Variants in GSTCD observed in about 807,000 individuals in gnomAD.
GSTCD encodes the protein glutathione S-transferase C-terminal domain-containing protein.
A neutral mutation model predicts 68.3 loss-of-function variants in GSTCD; 44 were observed. The observed-to-expected ratio is 0.64, with a 90% CI of 0.51 to 0.83. The LOEUF (loss-of-function observed/expected upper bound fraction) is 0.83, where lower values mean the gene tolerates loss of function less well. GSTCD is among the 40% of genes least tolerant of loss of function. The probability of loss-of-function intolerance (pLI) is 0.00; values close to 1 mark genes in which losing one functional copy is unlikely to be tolerated. For missense variants in GSTCD, 739 were observed against 735.9 expected (o/e 1.00, Z -0.05); for synonymous variants, 273 against 255.2 (o/e 1.07, Z -0.67).
At chr4:105,721,396 AT>A (rs1732854318) in intron 3 of GSTCD, among the ~76,000 whole-genome samples, 1 of 152,184 alleles carries the variant, frequency 6.6e-6, no homozygotes, top group African/African-American at 2.4e-5. Context: ...CATCCAAATG[AT>A]CAGAATCAGG....
chr4:105,845,764 A>G lies in GSTCD; in HGVS notation c.*187A>G, dbSNP rs1434318447. On this transcript the variant is annotated 3_prime_UTR_variant, in exon 12 of 12. Coordinates refer to ENST00000515279, the MANE Select transcript of GSTCD (RefSeq NM_001370181.1). ...TGCAAAGCATCACAAATGCTTTACAATGTGTGATTAAAGGACTGCTGGTTT... is the reference window on the plus strand; with the variant it reads ...TGCAAAGCATCACAAATGCTTTACAGTGTGTGATTAAAGGACTGCTGGTTT... 3.4e-6 allele frequency: 2 copies of G among 587,758 alleles called. No homozygotes were observed. The highest frequency in any genetic ancestry group is 6.0e-6 in the Non-Finnish European group (2 of 334,768). The allele number at this position is 587,758 out of a possible 1,614,324, so 36.4% of individuals were successfully genotyped here.
chr4:105,832,916 A>G (rs1452538001), intron 8 of GSTCD, among the ~76,000 whole-genome samples: 1 of 152,210 alleles, frequency 6.6e-6, no homozygotes, highest in Non-Finnish European at 1.5e-5. Context: ...AAGGTTATTT[A>G]CTTTCCCATT....
intron 5 of GSTCD, among the ~76,000 whole-genome samples, chr4:105,785,813 T>A (rs918127492): frequency 6.6e-6 from 1 of 152,116 alleles, no homozygotes; most frequent in African/African-American, 2.4e-5. Flanking sequence ...GAGAAAACTA[T>A]CTCTATTTGC....
rs1226914696 is a variant in GSTCD at position 105,764,676 on chromosome 4, T to C, written c.1240+35177T>C. Among the ~76,000 whole-genome samples the C allele has an allele frequency of 3.9e-5, 6 of 152,326 alleles. No individual in the cohort carries two copies. The East Asian group carries it at 5.8e-4, about 15-fold the overall frequency. ...CTGTCAAATTAAGGCCCCACACTTA[T>C]GACCTCATGTAACCCTAATTACCTC... is the stretch of plus-strand genomic sequence containing the variant. On this transcript the variant is annotated intron_variant, in intron 5 of 11. Coordinates refer to ENST00000515279, the MANE Select transcript of GSTCD (RefSeq NM_001370181.1).
chr4:105,816,409 T>C (rs1361808931), intron 5 of GSTCD, among the ~76,000 whole-genome samples: 3 of 152,090 alleles, frequency 2.0e-5, no homozygotes, highest in Non-Finnish European at 4.4e-5. Flanking sequence ...GGAAATGGTC[T>C]CTTTCTGGAA....
chr4:105,820,267 C>T (rs17264527), intron 5 of GSTCD, among the ~76,000 whole-genome samples: 5,637 of 151,654 alleles, frequency 0.037, 151 homozygotes, highest in Middle Eastern at 0.068. Flanking sequence ...ACTGAAGTGT[C>T]TAATCAAGTA....
chr4:105,735,342 C>T (rs557056368), intron 5 of GSTCD, among the ~76,000 whole-genome samples: 35 of 152,304 alleles, frequency 2.3e-4, no homozygotes, highest in African/African-American at 6.0e-4. Flanking sequence ...GCTTCCAGGC[C>T]GCTTTGTTTA....
Position 105,780,065 on chromosome 4 carries a change from T to A in GSTCD, c.1241-42889T>A, listed in dbSNP as rs371118193. Among the ~76,000 whole-genome samples, 17 of 152,232 alleles carry A rather than the reference T, an allele frequency of 1.1e-4. No individual in the cohort carries two copies. In the East Asian group the frequency reaches 3.1e-3, roughly 28 times the overall value. On this transcript the variant is annotated intron_variant, in intron 5 of 11. Transcript: ENST00000515279. Reference sequence around the variant, plus strand: ...CTAATTACATGTTTCATATTGCTCCTTGCCAACAAATACATGTTAATAATA... The same window carrying A: ...CTAATTACATGTTTCATATTGCTCCATGCCAACAAATACATGTTAATAATA...
chr4:105,730,875 G>T (rs959676824), intron 5 of GSTCD, among the ~76,000 whole-genome samples: 6 of 152,132 alleles, frequency 3.9e-5, no homozygotes, highest in African/African-American at 1.4e-4. Flanking sequence ...TATGGTTTTA[G>T]GTCTAAGATT....
intron 3 of GSTCD, among the ~76,000 whole-genome samples, chr4:105,725,598 A>G (rs2149209582): frequency 6.6e-6 from 1 of 151,732 alleles, no homozygotes; most frequent in East Asian, 1.9e-4. Context: ...CATTTTTTTT[A>G]TATACTTAGT....
chr4:105,809,193 A>G lies in GSTCD; in HGVS notation c.1241-13761A>G, dbSNP rs537006337. 1.1e-4 allele frequency among the ~76,000 whole-genome samples: 16 copies of G among 152,246 alleles called. No individual in the cohort carries two copies. The South Asian group carries it at 3.3e-3, about 32-fold the overall frequency. ...TGCTGCCATACCTCAAGCTGCAAAAATTATGGCCATTTCAGTGTCTTTTAA... is the reference window on the plus strand; with the variant it reads ...TGCTGCCATACCTCAAGCTGCAAAAGTTATGGCCATTTCAGTGTCTTTTAA... On this transcript the variant is annotated intron_variant, in intron 5 of 11. Transcript: ENST00000515279.
intron 3 of GSTCD, among the ~76,000 whole-genome samples, chr4:105,722,915 A>G (rs1732917127): frequency 6.6e-6 from 1 of 151,888 alleles, no homozygotes; most frequent in African/African-American, 2.4e-5. Flanking sequence ...TTCCTTAAAT[A>G]TATCTTCATG....
At chr4:105,797,760 CTTTT>C (rs70941218) in intron 5 of GSTCD, among the ~76,000 whole-genome samples, 33 of 84,942 alleles carry the variant, frequency 3.9e-4, no homozygotes, top group African/African-American at 6.2e-4. Flanking sequence ...CACAATAGAA[CTTTT>C]TTTTTTTTTT....
At chr4:105,726,551 TA>T in intron 3 of GSTCD, 27 bp from the exon 4 acceptor site, 2 of 1,423,772 alleles carry the variant, frequency 1.4e-6, no homozygotes, top group Admixed American at 2.3e-5. Context: ...ATATATATAA[TA>T]ATGTGTTTTA....
chr4:105,718,484 A>G (rs565762906), intron 2 of GSTCD, among the ~76,000 whole-genome samples: 4 of 152,322 alleles, frequency 2.6e-5, no homozygotes, highest in African/African-American at 9.6e-5. Flanking sequence ...GGTCCTGATC[A>G]GAAGCAGATG....
Position 105,719,151 on chromosome 4 carries a change from C to A in GSTCD, c.518C>A (p.Pro173His). The A allele has an allele frequency of 6.2e-7, 1 of 1,614,100 alleles. No homozygotes were observed. The change falls in exon 3 of 12, where the codon CCT becomes CAT. Residue 173 changes from proline (P) to histidine (H), a missense_variant. Coordinates refer to ENST00000515279, the MANE Select transcript of GSTCD (RefSeq NM_001370181.1). ...RESSDQPPTIPVEILQLEKKL... is the reference protein window; with the variant it reads ...RESSDQPPTIHVEILQLEKKL... ...TCTTCTGACCAGCCCCCAACTATAC[C>A]TGTAGAAATACTACAGCTAGAGAAA...
At chr4:105,788,125 T>TC (rs1735533606) in intron 5 of GSTCD, among the ~76,000 whole-genome samples, 1 of 152,072 alleles carries the variant, frequency 6.6e-6, no homozygotes, top group Non-Finnish European at 1.5e-5. Context: ...TTTCCTTTTT[T>TC]CCTCCTGAAT....
chr4:105,802,791 C>T (rs183317111), intron 5 of GSTCD, among the ~76,000 whole-genome samples: 3 of 152,118 alleles, frequency 2.0e-5, no homozygotes, highest in Admixed American at 6.6e-5. Flanking sequence ...TATAATGTGG[C>T]GTTTGCTATG....
intron 5 of GSTCD, among the ~76,000 whole-genome samples, chr4:105,732,133 G>C (rs1018984814): frequency 6.6e-6 from 1 of 152,188 alleles, no homozygotes; most frequent in Non-Finnish European, 1.5e-5. Flanking sequence ...ATGTTCATCA[G>C]GGATATTGGT....
Sources: gnomAD v4.1 joint callset for allele counts (sites outside exome capture counted in the v4.1 genomes callset) on GRCh38, gnomAD v4.1.1 for gene constraint, MANE v1.5 for transcripts, NCBI Gene and HGNC (gene_info 2026-07-23, HGNC 2026-07-21) for gene names.